Variants in TBC1D5 observed in about 807,000 individuals in gnomAD.
TBC1D5 encodes the protein TBC1 domain family, member 5.
TBC1D5 carries 75 observed loss-of-function variants against 100.3 expected under a neutral mutation model. That is an observed-to-expected ratio of 0.75 (90% CI 0.62 to 0.91). TBC1D5 has a LOEUF of 0.91. Ranked by LOEUF, TBC1D5 falls within the 40% of genes least tolerant of loss-of-function variation. The probability of loss-of-function intolerance (pLI) is 0.00; values close to 1 mark genes in which losing one functional copy is unlikely to be tolerated. For missense variants in TBC1D5, 910 were observed against 942.4 expected (o/e 0.97, Z 0.45); for synonymous variants, 323 against 325.6 (o/e 0.99, Z 0.09).
intron 2 of TBC1D5, among the ~76,000 whole-genome samples, chr3:17,533,054 CACACACACACACATACACAG>C (rs1319658866): frequency 1.7e-5 from 2 of 120,322 alleles, no homozygotes; most frequent in South Asian, 2.5e-4. Context: ...GAGATCCTGT[CACACACACACACATACACAG>C]ACACACACAC....
At chr3:17,396,043 C>A (rs555719956) in intron 8 of TBC1D5, among the ~76,000 whole-genome samples, 2 of 152,088 alleles carry the variant, frequency 1.3e-5, no homozygotes, top group African/African-American at 4.8e-5. Flanking sequence ...TCTGTTTTCC[C>A]CCCTCTTTAA....
chr3:17,479,017 ACTAT>A (rs1218151114), intron 3 of TBC1D5, among the ~76,000 whole-genome samples: 2 of 152,248 alleles, frequency 1.3e-5, no homozygotes, highest in Admixed American at 6.5e-5. Flanking sequence ...TAACTGATAC[ACTAT>A]CTATGAATAA....
chr3:17,377,162 T>C (rs2092741769), intron 9 of TBC1D5, among the ~76,000 whole-genome samples: 1 of 152,152 alleles, frequency 6.6e-6, no homozygotes, highest in African/African-American at 2.4e-5. Flanking sequence ...CTTGTTAAAA[T>C]AGGATTTAAC....
At chr3:17,283,741 T>C (rs996462366) in intron 15 of TBC1D5, among the ~76,000 whole-genome samples, 2 of 151,680 alleles carry the variant, frequency 1.3e-5, no homozygotes, top group Non-Finnish European at 2.9e-5. Flanking sequence ...CAAACTGTGA[T>C]CTTAAAAATG....
At chr3:17,335,052 G>T (rs1484818053) in intron 13 of TBC1D5, among the ~76,000 whole-genome samples, 2 of 151,984 alleles carry the variant, frequency 1.3e-5, no homozygotes, top group Non-Finnish European at 2.9e-5. Flanking sequence ...CTTAAAATCT[G>T]GTTATATTAT....
chr3:17,497,273 T>C, intron 3 of TBC1D5, among the ~76,000 whole-genome samples: 1 of 152,200 alleles, frequency 6.6e-6, no homozygotes, highest in Non-Finnish European at 1.5e-5. Context: ...CACCCTATTT[T>C]AATTCTTTGC....
intron 2 of TBC1D5, among the ~76,000 whole-genome samples, chr3:17,551,491 GATCTCATTTTACA>G (rs1170855921): frequency 6.6e-6 from 1 of 152,062 alleles, no homozygotes; most frequent in Non-Finnish European, 1.5e-5. Flanking sequence ...ATGAGCTGGG[GATCTCATTTTACA>G]ACATGAGCAT....
chr3:17,621,733 C>CA (rs1186893387), intron 2 of TBC1D5, among the ~76,000 whole-genome samples: 1 of 151,018 alleles, frequency 6.6e-6, no homozygotes, highest in African/African-American at 2.4e-5. Flanking sequence ...AACAAATCCA[C>CA]AAGGAAAATT....
chr3:17,325,394 C>T (rs2085967394), intron 13 of TBC1D5, among the ~76,000 whole-genome samples: 1 of 145,154 alleles, frequency 6.9e-6, no homozygotes, highest in Admixed American at 7.0e-5. Context: ...GTGATCTTGG[C>T]TCATTGCAAC....
intron 15 of TBC1D5, among the ~76,000 whole-genome samples, chr3:17,272,974 T>C (rs2079580760): frequency 6.6e-6 from 1 of 152,182 alleles, no homozygotes; most frequent in African/African-American, 2.4e-5. Context: ...GTCCTCACTA[T>C]TTTCACTTCT....
chr3:17,283,034 C>G (rs570156265), intron 15 of TBC1D5, among the ~76,000 whole-genome samples: 1 of 152,220 alleles, frequency 6.6e-6, no homozygotes, highest in African/African-American at 2.4e-5. Context: ...TCAGAAACTT[C>G]TAGGAATTCT....
intron 1 of TBC1D5, among the ~76,000 whole-genome samples, chr3:17,624,176 C>T (rs759571545): frequency 1.4e-4 from 21 of 152,114 alleles, no homozygotes; most frequent in Non-Finnish European, 2.6e-4. Flanking sequence ...AAATTACACA[C>T]GACATATTAC....
exon 1 of TBC1D5, chr3:17,739,406 A>G (rs1174256851): frequency 6.6e-6 from 1 of 152,152 alleles, no homozygotes; most frequent in Non-Finnish European, 1.5e-5. Context: ...CCAATGCTTC[A>G]TTTTCTGTAT....
chr3:17,713,981 G>A (rs1258368223), intron 1 of TBC1D5, among the ~76,000 whole-genome samples: 1 of 152,158 alleles, frequency 6.6e-6, no homozygotes, highest in African/African-American at 2.4e-5. Context: ...GTTGAATCAA[G>A]AGAAAGGCAA....
intron 1 of TBC1D5, among the ~76,000 whole-genome samples, chr3:17,687,698 A>C (rs1469328437): frequency 2.6e-5 from 4 of 152,170 alleles, no homozygotes; most frequent in South Asian, 2.1e-4. Flanking sequence ...ATCTACCTAC[A>C]TTGCAGGCAG....
Position 17,451,413 on chromosome 3 carries a change from G to A in TBC1D5, c.98-22894C>T, listed in dbSNP as rs1010511520. Among the ~76,000 whole-genome samples, 10 of 152,048 alleles carry A rather than the reference G, an allele frequency of 6.6e-5. 1 individual carries two copies. Among genetic ancestry groups the A allele is most frequent in the Admixed American group, 1.3e-4 (2 of 15,270 alleles). On this transcript the variant is annotated intron_variant, in intron 3 of 21. Coordinates refer to ENST00000253692, the Ensembl canonical transcript of TBC1D5. ...ACATGAAGAAAAGCTCATCATCACT[G>A]GTCATTAGAAAAATGCAAATCAAAA...
exon 22 of TBC1D5, chr3:17,158,385 A>ATAAG (rs1422663147): frequency 2.6e-5 from 4 of 152,238 alleles, no homozygotes; most frequent in Non-Finnish European, 5.9e-5. Context: ...ACAATTAAAC[A>ATAAG]TAAGTATCTG....
intron 15 of TBC1D5, among the ~76,000 whole-genome samples, chr3:17,273,809 C>CAA (rs11450142): frequency 0.027 from 3,047 of 114,898 alleles, 120 homozygotes; most frequent in African/African-American, 0.081. Flanking sequence ...CTCTGTATCT[C>CAA]AAAAAAAAAA....
intron 1 of TBC1D5, among the ~76,000 whole-genome samples, chr3:17,662,327 T>A (rs1364906402): frequency 6.6e-6 from 1 of 152,208 alleles, no homozygotes; most frequent in African/African-American, 2.4e-5. Context: ...CCATTTTATC[T>A]CCTAATTTTC....
Sources: allele counts gnomAD v4.1 joint callset (sites outside exome capture counted in the v4.1 genomes callset), GRCh38; gene constraint gnomAD v4.1.1; transcripts MANE v1.5; gene names NCBI Gene and HGNC (gene_info 2026-07-23, HGNC 2026-07-21).